The following SYNE2 variants were observed in gnomAD, a reference collection of about 807,000 sequenced individuals.
The protein encoded by SYNE2 is nesprin-2.
SYNE2 carries 431 observed loss-of-function variants against 856.3 expected under a neutral mutation model. The ratio of observed to expected loss-of-function variants is 0.50; its 90% CI spans 0.47 to 0.55. The LOEUF is 0.55. Ranked by LOEUF, SYNE2 falls within the 20% of genes least tolerant of loss-of-function variation. SYNE2 has a pLI of 0.00. For synonymous variants in SYNE2, 2,923 were observed against 2,872.3 expected (o/e 1.02, Z -0.56); for missense variants, 8,129 against 8,023.2 (o/e 1.01, Z -0.50).
chr14:64,110,588 A>ACCCCCCCCCCCCCC (rs11315645), intron 65 of SYNE2, among the ~76,000 whole-genome samples: 1 of 75,390 alleles, frequency 1.3e-5, no homozygotes, highest in African/African-American at 5.7e-5. Context: ...TACTTTTTAC[A>ACCCCCCCCCCCCCC]CCCCCCCCCC....
chr14:64,064,878 A>C (rs1489115819), intron 50 of SYNE2, among the ~76,000 whole-genome samples: 1 of 124,502 alleles, frequency 8.0e-6, no homozygotes, highest in African/African-American at 3.1e-5. Flanking sequence ...TTTTATACGG[A>C]GTCTCACTCT....
chr14:64,185,534 TTTTTGAGGTGGA>T (rs2098484969), intron 96 of SYNE2, among the ~76,000 whole-genome samples: 1 of 147,240 alleles, frequency 6.8e-6, no homozygotes, highest in Non-Finnish European at 1.5e-5. Context: ...TTTTTTTTTT[TTTTTGAGGTGGA>T]GTCTCACTCT....
intron 19 of SYNE2, among the ~76,000 whole-genome samples, chr14:63,987,053 A>T (rs879849386): frequency 2.0e-5 from 3 of 152,064 alleles, no homozygotes; most frequent in Non-Finnish European, 4.4e-5. Flanking sequence ...AGAGATAGAG[A>T]CCATCCTGGC....
chr14:63,953,937 G>A (rs1219015523), intron 7 of SYNE2, among the ~76,000 whole-genome samples: 2 of 151,468 alleles, frequency 1.3e-5, no homozygotes, highest in Non-Finnish European at 2.9e-5. Flanking sequence ...TTTTTTTGAG[G>A]CAGTCTCATT....
intron 1 of SYNE2, among the ~76,000 whole-genome samples, chr14:63,895,516 G>A (rs2095233573): frequency 6.7e-6 from 1 of 149,834 alleles, no homozygotes; most frequent in Admixed American, 6.7e-5. Flanking sequence ...CACTTTGGAG[G>A]CCAAAGTGCA....
At chr14:63,846,081 G>C (rs1890220910) in intron 1 of SYNE2, among the ~76,000 whole-genome samples, 2 of 142,640 alleles carry the variant, frequency 1.4e-5, no homozygotes, top group African/African-American at 5.2e-5. Context: ...CAAGGTTCTG[G>C]CTCTGTTGCC....
At chr14:63,845,074 T>C (rs1010909396) in intron 1 of SYNE2, among the ~76,000 whole-genome samples, 1 of 152,150 alleles carries the variant, frequency 6.6e-6, no homozygotes, top group African/African-American at 2.4e-5. Context: ...GCTATCTATC[T>C]CTACTGAAAT....
In SYNE2 at chr14:64,007,242, C is replaced by G. The variant is rs751690668; in HGVS notation, c.4577+20C>G. On this transcript the variant is annotated intron_variant, in intron 31 of 115. Coordinates refer to ENST00000555002, the MANE Select transcript of SYNE2 (RefSeq NM_182914.3). The stretch of plus-strand genomic sequence containing the variant: ...CGAATGGTAAGGAAAAAAAAGAATC[C>G]CTCTTGAATCTGAAAAATTGTCTGT... The G allele has an allele frequency of 1.2e-6, 2 of 1,610,802 alleles. No individual in the cohort carries two copies. Among genetic ancestry groups the G allele is most frequent in the Non-Finnish European group, 1.7e-6 (2 of 1,177,148 alleles).
In SYNE2 at chr14:64,109,933, TC is replaced by T. The variant is rs2097793969; in HGVS notation, c.12609+2327del. Reference sequence around the variant, plus strand: ...GCATAATTTTTAGTAAAATTCTGAGTCATTCTTGACCCGTATTACAACCAAG... The same window carrying T: ...GCATAATTTTTAGTAAAATTCTGAGTATTCTTGACCCGTATTACAACCAAG... On this transcript the variant is annotated intron_variant, in intron 65 of 115. Coordinates refer to ENST00000555002, the MANE Select transcript of SYNE2 (RefSeq NM_182914.3). Among the ~76,000 whole-genome samples the T allele has an allele frequency of 2.6e-5, 4 of 152,308 alleles. No homozygotes were observed. The South Asian group carries it at 8.3e-4, about 32-fold the overall frequency.
chr14:63,889,746 G>A (rs895942828), intron 1 of SYNE2, among the ~76,000 whole-genome samples: 11 of 152,048 alleles, frequency 7.2e-5, no homozygotes, highest in African/African-American at 2.4e-4. Flanking sequence ...CTAAAATGCT[G>A]GGATTACGGA....
intron 94 of SYNE2, among the ~76,000 whole-genome samples, chr14:64,174,570 G>A (rs1007547728): frequency 6.6e-6 from 1 of 151,990 alleles, no homozygotes; most frequent in Admixed American, 6.6e-5. Flanking sequence ...CGTAATATAA[G>A]GTCTGTTACT....
rs1055979938 is a variant in SYNE2 at position 63,978,791 on chromosome 14, A to G, written c.1407-61A>G. The G allele has an allele frequency of 1.2e-5, 17 of 1,424,658 alleles. No homozygotes were observed. In the African/African-American group the frequency reaches 2.3e-4, roughly 19 times the overall value. The allele number at this position is 1,424,658 out of a possible 1,614,324, so 88.3% of individuals were successfully genotyped here. A position where few individuals can be genotyped will look rare whatever the true frequency, so the allele number is the denominator to read the frequency against. On this transcript the variant is annotated intron_variant, in intron 13 of 115. Coordinates refer to ENST00000555002, the MANE Select transcript of SYNE2 (RefSeq NM_182914.3). ...CTCAATATTTTTTAAAATGCTGAAC[A>G]GATTTCTCACATTTGGTCAATAATA...
chr14:64,141,579 CT>C, intron 81 of SYNE2, 56 bp downstream of exon 81: 1 of 1,560,404 alleles, frequency 6.4e-7, no homozygotes, highest in Non-Finnish European at 8.8e-7. Context: ...GCTCATAACT[CT>C]TTTAAAATTA....
Position 64,065,523 on chromosome 14 carries a change from A to G in SYNE2, c.10304A>G (p.Asp3435Gly), listed in dbSNP as rs1469610857. The change falls in exon 51 of 116, where the codon GAT (aspartate) becomes GGT (glycine). Residue 3435 changes from aspartate (D) to glycine (G), a missense_variant. Physicochemically the swap from Asp to Gly is moderately conservative, Grantham distance 94. Coordinates refer to ENST00000555002, the MANE Select transcript of SYNE2 (RefSeq NM_182914.3). ...TTGAGACTCAGGTGCACAGAAAATG[A>G]TGGCATATGTTTGCTCAAGATTGTG... ...RLLRLRCTENDGICLLKIVSA... is the reference protein window; with the variant it reads ...RLLRLRCTENGGICLLKIVSA... The G allele has an allele frequency of 6.2e-7, 1 of 1,614,048 alleles. No individual in the cohort carries two copies. Among genetic ancestry groups the G allele is most frequent in the South Asian group, 1.1e-5 (1 of 91,082 alleles).
intron 96 of SYNE2, among the ~76,000 whole-genome samples, chr14:64,178,741 C>T (rs2098445510): frequency 6.6e-6 from 1 of 152,138 alleles, no homozygotes; most frequent in Non-Finnish European, 1.5e-5. Flanking sequence ...GGCGCCCAGC[C>T]TGCTGTCAAT....
At chr14:63,907,498 T>A (rs1293582918) in intron 1 of SYNE2, among the ~76,000 whole-genome samples, 8 of 152,228 alleles carry the variant, frequency 5.3e-5, no homozygotes. Context: ...CTTACCATTG[T>A]TATAAAGATT....
At chr14:64,151,581 G>T (rs2153703533) in intron 84 of SYNE2, among the ~76,000 whole-genome samples, 1 of 150,358 alleles carries the variant, frequency 6.7e-6, no homozygotes, top group Admixed American at 6.6e-5. Flanking sequence ...AAAAAAGCTG[G>T]GATCCTTATG....
At chr14:64,038,669 G>A (rs1037670198) in intron 45 of SYNE2, among the ~76,000 whole-genome samples, 2 of 152,216 alleles carry the variant, frequency 1.3e-5, no homozygotes, top group Non-Finnish European at 2.9e-5. Context: ...AGCGAAACCC[G>A]GTCTCCATCA....
chr14:63,762,618 T>C (rs1370745413), intron 1 of SYNE2, among the ~76,000 whole-genome samples: 2 of 148,738 alleles, frequency 1.3e-5, no homozygotes, highest in Non-Finnish European at 3.0e-5. Context: ...TTTTAATAAA[T>C]TGAGACAGGG....
Sources: allele counts gnomAD v4.1 joint callset (sites outside exome capture counted in the v4.1 genomes callset), GRCh38; gene constraint gnomAD v4.1.1; transcripts MANE v1.5; gene names NCBI Gene and HGNC (gene_info 2026-07-23, HGNC 2026-07-21).